SNTG1: variants seen among roughly 807,000 people sequenced by gnomAD.
SNTG1 encodes the protein gamma-1-syntrophin.
In SNTG1, 39 loss-of-function variants were observed where a neutral mutation model predicts 74.7. That is an observed-to-expected ratio of 0.52 (90% CI 0.40 to 0.68). The LOEUF (loss-of-function observed/expected upper bound fraction) is 0.68, where lower values mean the gene tolerates loss of function less well. Ranked by LOEUF, SNTG1 falls within the 30% of genes least tolerant of loss-of-function variation. The probability of loss-of-function intolerance (pLI) is 0.00; values close to 1 mark genes in which losing one functional copy is unlikely to be tolerated. For missense variants in SNTG1, 685 were observed against 609.5 expected (o/e 1.12, Z -1.30); for synonymous variants, 254 against 217.1 (o/e 1.17, Z -1.49).
At chr8:50,418,936 C>A (rs1272862928) in intron 4 of SNTG1, among the ~76,000 whole-genome samples, 3 of 152,052 alleles carry the variant, frequency 2.0e-5, no homozygotes, top group Admixed American at 2.0e-4. Flanking sequence ...AGTCTTTCTT[C>A]TGGAAAGTAG....
chr8:50,629,614 T>C (rs558882798), intron 13 of SNTG1, among the ~76,000 whole-genome samples: 1 of 152,178 alleles, frequency 6.6e-6, no homozygotes, highest in Admixed American at 6.6e-5. Context: ...TGATATTGAC[T>C]AATTTTAGAA....
intron 18 of SNTG1, among the ~76,000 whole-genome samples, chr8:50,758,032 C>T (rs2095585892): frequency 6.6e-6 from 1 of 151,926 alleles, no homozygotes; most frequent in Non-Finnish European, 1.5e-5. Flanking sequence ...CAATCCTATA[C>T]AATCTAATAC....
chr8:50,190,007 C>T (rs1000992237), intron 2 of SNTG1, among the ~76,000 whole-genome samples: 1 of 152,052 alleles, frequency 6.6e-6, no homozygotes, highest in Non-Finnish European at 1.5e-5. Context: ...TAGATATTCC[C>T]TATTTTCTGT....
At chr8:50,508,952 T>G (rs967785605) in intron 9 of SNTG1, among the ~76,000 whole-genome samples, 1 of 152,212 alleles carries the variant, frequency 6.6e-6, no homozygotes, top group African/African-American at 2.4e-5. Context: ...ATATTGGCTT[T>G]TGTTGCCATT....
At chr8:50,495,809 C>G (rs1431838723) in intron 8 of SNTG1, among the ~76,000 whole-genome samples, 1 of 152,126 alleles carries the variant, frequency 6.6e-6, no homozygotes, top group Non-Finnish European at 1.5e-5. Context: ...TATGCTCCCT[C>G]ACCCTGCCAC....
intron 1 of SNTG1, among the ~76,000 whole-genome samples, chr8:49,965,773 A>T (rs2129821609): frequency 6.6e-6 from 1 of 152,342 alleles, no homozygotes; most frequent in East Asian, 1.9e-4. Flanking sequence ...CAAATGGCAT[A>T]TTACAAATTT....
chr8:50,311,661 C>A (rs2090118655), intron 2 of SNTG1, among the ~76,000 whole-genome samples: 1 of 152,192 alleles, frequency 6.6e-6, no homozygotes, highest in Non-Finnish European at 1.5e-5. Context: ...TTATCCACTA[C>A]AACTTGTTCA....
intron 2 of SNTG1, among the ~76,000 whole-genome samples, chr8:50,300,654 A>C (rs1015413955): frequency 6.6e-6 from 1 of 152,138 alleles, no homozygotes; most frequent in Non-Finnish European, 1.5e-5. Flanking sequence ...AAATTCTGAT[A>C]TAATTTTTAT....
At chr8:50,751,282 T>A (rs1294425135) in intron 17 of SNTG1, among the ~76,000 whole-genome samples, 1 of 152,004 alleles carries the variant, frequency 6.6e-6, no homozygotes, top group Non-Finnish European at 1.5e-5. Context: ...TGTTTTTAGT[T>A]TCAGGACATA....
rs560610225 is a variant in SNTG1 at position 50,098,132 on chromosome 8, T to G, written c.-102-74429T>G. On this transcript the variant is annotated intron_variant, in intron 1 of 18. Transcript: ENST00000642720. ...TCCAGGAAAAACAGAGACATAAAAA[T>G]ATTTATCTTCATTCTCTCCTGACAT... 7.2e-5 allele frequency among the ~76,000 whole-genome samples: 11 copies of G among 152,266 alleles called. 1 individual carries two copies. Among genetic ancestry groups the G allele is most frequent in the African/African-American group, 2.4e-4 (10 of 41,564 alleles).
chr8:50,662,969 G>A (rs1222531337), intron 15 of SNTG1, among the ~76,000 whole-genome samples: 1 of 152,190 alleles, frequency 6.6e-6, no homozygotes, highest in Non-Finnish European at 1.5e-5. Flanking sequence ...GTATAAGAGA[G>A]TTGAACTCAC....
intron 9 of SNTG1, among the ~76,000 whole-genome samples, chr8:50,509,222 G>T (rs1455809136): frequency 6.6e-6 from 1 of 152,170 alleles, no homozygotes; most frequent in Non-Finnish European, 1.5e-5. Context: ...TCAAAGATCA[G>T]ATAGTTGTAG....
intron 17 of SNTG1, among the ~76,000 whole-genome samples, chr8:50,736,439 G>C (rs1179719539): frequency 1.3e-5 from 2 of 152,194 alleles, no homozygotes; most frequent in African/African-American, 4.8e-5. Flanking sequence ...AGTTCTTAGA[G>C]ATGTACAAAG....
intron 13 of SNTG1, among the ~76,000 whole-genome samples, chr8:50,619,373 G>A (rs187224940): frequency 1.5e-3 from 222 of 152,244 alleles, no homozygotes; most frequent in African/African-American, 5.0e-3. Flanking sequence ...AGTGTTGGGT[G>A]CTCTTATTTT....
chr8:50,064,492 C>T (rs1256692468), intron 1 of SNTG1, among the ~76,000 whole-genome samples: 1 of 152,208 alleles, frequency 6.6e-6, no homozygotes, highest in South Asian at 2.1e-4. Flanking sequence ...TACCTTTGCA[C>T]TTCCACCACA....
chr8:50,344,425 A>G (rs1221890843), intron 2 of SNTG1, among the ~76,000 whole-genome samples: 1 of 152,196 alleles, frequency 6.6e-6, no homozygotes, highest in Non-Finnish European at 1.5e-5. Context: ...GCAGCCTCAC[A>G]TCTGCCTCAC....
At chr8:50,494,001 G>A (rs931707974) in intron 8 of SNTG1, among the ~76,000 whole-genome samples, 7 of 151,422 alleles carry the variant, frequency 4.6e-5, no homozygotes, top group Non-Finnish European at 7.4e-5. Context: ...GATATGCCAG[G>A]GAATTTTTTT....
chr8:50,592,840 G>T (rs2094701094), intron 13 of SNTG1, among the ~76,000 whole-genome samples: 1 of 152,054 alleles, frequency 6.6e-6, no homozygotes, highest in African/African-American at 2.4e-5. Flanking sequence ...CTGAAAAGAA[G>T]GGTTAATAGA....
chr8:50,101,700 C>T (rs1478059184), intron 1 of SNTG1, among the ~76,000 whole-genome samples: 1 of 151,460 alleles, frequency 6.6e-6, no homozygotes, highest in African/African-American at 2.4e-5. Context: ...TAATGCTATC[C>T]CTCCCCCCTC....
Sources: gnomAD v4.1 joint callset for allele counts (sites outside exome capture counted in the v4.1 genomes callset) on GRCh38, gnomAD v4.1.1 for gene constraint, MANE v1.5 for transcripts, NCBI Gene and HGNC (gene_info 2026-07-23, HGNC 2026-07-21) for gene names.